The following OMA1 variants were observed in gnomAD, a reference collection of about 807,000 sequenced individuals.
OMA1 encodes metalloendopeptidase OMA1, mitochondrial.
In OMA1, 38 loss-of-function variants were observed where a neutral mutation model predicts 30.9. The ratio of observed to expected loss-of-function variants is 1.23; its 90% CI spans 0.95 to 1.61. The LOEUF (loss-of-function observed/expected upper bound fraction) is 1.61. OMA1 is among the 40% of genes most tolerant of loss of function. The probability of loss-of-function intolerance (pLI) is 0.00; values close to 1 mark genes in which losing one functional copy is unlikely to be tolerated. For synonymous variants in OMA1, 173 were observed against 121.9 expected (o/e 1.42, Z -2.76); for missense variants, 461 against 349.2 (o/e 1.32, Z -2.55).
chr1:58,532,416 C>G (rs1432701402), intron 5 of OMA1, among the ~76,000 whole-genome samples: 3 of 152,112 alleles, frequency 2.0e-5, no homozygotes, highest in Non-Finnish European at 4.4e-5. Context: ...GCTAAAATGG[C>G]CAAAACTGAT....
At chr1:58,520,641 G>C (rs1298758501) in intron 7 of OMA1, among the ~76,000 whole-genome samples, 1 of 152,076 alleles carries the variant, frequency 6.6e-6, no homozygotes, top group African/African-American at 2.4e-5. Context: ...TACCATGCAA[G>C]CACTAACTGA....
chr1:58,543,292 T>C (rs949863878), intron 1 of OMA1, among the ~76,000 whole-genome samples: 18 of 152,242 alleles, frequency 1.2e-4, no homozygotes, highest in Admixed American at 2.0e-4. Flanking sequence ...TTATACATGT[T>C]GTTTACTGGA....
chr1:58,538,928 G>A lies in OMA1; in HGVS notation c.367C>T (p.His123Tyr). Reference protein sequence around the residue: ...VTAVPSLSVLHPLSPASIRAI... With the variant: ...VTAVPSLSVLYPLSPASIRAI... Reference sequence around the variant, plus strand: ...CTTATGGAAGCAGGGCTTAGAGGATGCAATACTGACAGACTAGGGACTGCT... The same window carrying A: ...CTTATGGAAGCAGGGCTTAGAGGATACAATACTGACAGACTAGGGACTGCT... Residue 123 changes from histidine (H) to tyrosine (Y), a missense_variant, in exon 2 of 9, where the codon CAT (histidine) becomes TAT (tyrosine). Coordinates refer to ENST00000371226, the MANE Select transcript of OMA1 (RefSeq NM_145243.5). 1.1e-6 allele frequency: 1 copy of A among 872,916 alleles called. No homozygotes were observed. Among genetic ancestry groups the A allele is most frequent in the Non-Finnish European group, 2.0e-6 (1 of 501,642 alleles). The allele number at this position is 872,916 out of a possible 1,614,324, so 54.1% of individuals were successfully genotyped here. A position where few individuals can be genotyped will look rare whatever the true frequency, so the allele number is the denominator to read the frequency against.
chr1:58,482,726 A>G (rs1645509563), intron 8 of OMA1, among the ~76,000 whole-genome samples: 1 of 152,168 alleles, frequency 6.6e-6, no homozygotes, highest in South Asian at 2.1e-4. Flanking sequence ...GAAAGAGACC[A>G]TGTGGCAACC....
intron 8 of OMA1, among the ~76,000 whole-genome samples, chr1:58,495,713 AAGTT>A (rs1447524113): frequency 6.6e-6 from 1 of 152,100 alleles, no homozygotes; most frequent in African/African-American, 2.4e-5. Flanking sequence ...AAAAAAAAAA[AAGTT>A]AGTTTTTGTA....
At position 58,515,434 on chromosome 1, in the gene OMA1, A is replaced by T. The variant is rs909758140; in HGVS notation, c.1216-9225T>A. On this transcript the variant is annotated intron_variant, in intron 7 of 8. Transcript: ENST00000371226. The stretch of plus-strand genomic sequence containing the variant: ...TCAATATAATAAATTAAGTTTTAAT[A>T]AATTTTCATGTTACTTTTTTCCCTC... Among the ~76,000 whole-genome samples, 3 of 152,232 alleles carry T rather than the reference A, an allele frequency of 2.0e-5. No homozygotes were observed. The South Asian group carries it at 6.2e-4, about 32-fold the overall frequency.
chr1:58,496,225 C>T (rs1421396840), intron 8 of OMA1, among the ~76,000 whole-genome samples: 1 of 151,600 alleles, frequency 6.6e-6, no homozygotes, highest in Admixed American at 6.6e-5. Flanking sequence ...CCTCTATCTT[C>T]CGCATCAATG....
chr1:58,536,271 TGA>T (rs1212139586), intron 3 of OMA1, among the ~76,000 whole-genome samples: 1 of 152,008 alleles, frequency 6.6e-6, no homozygotes, highest in African/African-American at 2.4e-5. Context: ...AAGGTTTTCC[TGA>T]GAAAAGTGAC....
chr1:58,540,770 T>G (rs187521456), intron 1 of OMA1, among the ~76,000 whole-genome samples: 4 of 151,832 alleles, frequency 2.6e-5, no homozygotes, highest in African/African-American at 7.3e-5. Context: ...TGGCCTAATA[T>G]TCATCTAACT....
At chr1:58,545,777 T>C (rs997720685) in intron 1 of OMA1, among the ~76,000 whole-genome samples, 9 of 152,246 alleles carry the variant, frequency 5.9e-5, no homozygotes, top group African/African-American at 1.9e-4. Flanking sequence ...CTCTAGTTTC[T>C]ATGGAAACAG....
intron 3 of OMA1, among the ~76,000 whole-genome samples, chr1:58,535,011 AT>A (rs2100484227): frequency 6.6e-6 from 1 of 152,294 alleles, no homozygotes; most frequent in Non-Finnish European, 1.5e-5. Flanking sequence ...AGAAAATTAA[AT>A]TCACAATGCA....
Position 58,480,877 on chromosome 1 carries a change from TC to T in OMA1, c.*87del, listed in dbSNP as rs1645468330. ...TTGACCCTGAATATCCTTTTTTTTT[TC>T]ACTTCAAACATCATTTTTTAAAAAG... On this transcript the variant is annotated 3_prime_UTR_variant, in exon 9 of 9. Transcript: ENST00000371226. 1.4e-6 allele frequency: 1 copy of T among 703,212 alleles called. No homozygotes were observed. The allele number at this position is 703,212 out of a possible 1,614,324, so 43.6% of individuals were successfully genotyped here.
intron 3 of OMA1, among the ~76,000 whole-genome samples, chr1:58,535,548 A>G (rs993024408): frequency 6.7e-6 from 1 of 148,342 alleles, no homozygotes; most frequent in Non-Finnish European, 1.5e-5. Context: ...GTGAGCCAAG[A>G]TGGCACCACT....
chr1:58,482,374 G>A (rs1569861349), intron 8 of OMA1, among the ~76,000 whole-genome samples: 1 of 152,318 alleles, frequency 6.6e-6, no homozygotes, highest in Admixed American at 6.5e-5. Flanking sequence ...GCAGGGTTGA[G>A]GGACTGGCTG....
chr1:58,539,060 T>C lies in OMA1; in HGVS notation c.235A>G (p.Thr79Ala), dbSNP rs11548224. The change falls in exon 2 of 9, where the codon ACA becomes GCA. Residue 79 changes from threonine (T) to alanine (A), a missense_variant. Thr to Ala is a moderately conservative substitution (Grantham distance 58, BLOSUM62 0). Coordinates refer to ENST00000371226, the MANE Select transcript of OMA1 (RefSeq NM_145243.5). ...HFYSTFNNKR[T>A]GGLSSTKSKE... ...CTTTTGGTACTTGAGAGGCCTCCTG[T>C]TCTTTTGTTGTTAAAAGTACTATAA... is the stretch of plus-strand genomic sequence containing the variant. 1.1e-6 allele frequency: 1 copy of C among 872,980 alleles called. No individual in the cohort carries two copies. The highest frequency in any genetic ancestry group is 1.3e-5 in the South Asian group (1 of 76,546). The allele number at this position is 872,980 out of a possible 1,614,324, so 54.1% of individuals were successfully genotyped here.
chr1:58,485,238 A>T (rs1017981975), intron 8 of OMA1, among the ~76,000 whole-genome samples: 5 of 148,898 alleles, frequency 3.4e-5, no homozygotes, highest in African/African-American at 7.4e-5. Context: ...TAAAAAAAAA[A>T]AAAAAAAAAA....
chr1:58,527,333 A>G lies in OMA1; in HGVS notation c.1143T>C (p.Tyr381=). 1.1e-6 allele frequency: 1 copy of G among 871,748 alleles called. No individual in the cohort carries two copies. The highest frequency in any genetic ancestry group is 2.0e-6 in the Non-Finnish European group (1 of 501,030). 54.0% of individuals were successfully genotyped at this position (871,748 alleles called of 1,614,324 possible). A position where few individuals can be genotyped will look rare whatever the true frequency, so the allele number is the denominator to read the frequency against. Residue 381 remains tyrosine, a splice_region_variant and synonymous_variant, in exon 7 of 9, where the codon TAT becomes TAC. Coordinates refer to ENST00000371226, the MANE Select transcript of OMA1 (RefSeq NM_145243.5). ...CQWIQSKLQE[Y]MFNRPYSRKL... ...TTCTGCTGTATGGTCTATTAAACAT[A>G]TACTAAGAAGAAATGACAGAAAAGC...
intron 7 of OMA1, among the ~76,000 whole-genome samples, chr1:58,508,204 AAG>A (rs1646019995): frequency 6.6e-6 from 1 of 152,226 alleles, no homozygotes; most frequent in Non-Finnish European, 1.5e-5. Flanking sequence ...ATGTTAAGAT[AAG>A]AGTGTTGAGT....
intron 7 of OMA1, among the ~76,000 whole-genome samples, chr1:58,515,747 A>C (rs189562934): frequency 9.2e-5 from 14 of 152,320 alleles, no homozygotes; most frequent in Non-Finnish European, 1.8e-4. Flanking sequence ...TACTAACCTG[A>C]AAAATAAGAA....
Sources: allele counts gnomAD v4.1 joint callset (sites outside exome capture counted in the v4.1 genomes callset), GRCh38; gene constraint gnomAD v4.1.1; transcripts MANE v1.5; gene names NCBI Gene and HGNC (gene_info 2026-07-23, HGNC 2026-07-21).